Variants in SDHAF4 observed in about 807,000 individuals in gnomAD.
The protein encoded by SDHAF4 is succinate dehydrogenase assembly factor 4, mitochondrial.
Under a neutral mutation model 14.3 loss-of-function variants are expected in SDHAF4, and 14 were observed. The observed-to-expected ratio is 0.98, with a 90% CI of 0.65 to 1.53. The LOEUF is 1.53. Ranked by LOEUF, SDHAF4 falls within the 40% of genes most tolerant of loss-of-function variation. The pLI is 0.00. For missense variants in SDHAF4, 141 were observed against 129.3 expected (o/e 1.09, Z -0.44); for synonymous variants, 63 against 47.3 (o/e 1.33, Z -1.36).
At chr6:70,597,787 C>G in the SDHAF4 span, among the ~76,000 whole-genome samples, 5 of 152,064 alleles carry the variant, frequency 3.3e-5, no homozygotes, top group Non-Finnish European at 5.9e-5. Flanking sequence ...ATATAAGCCT[C>G]CATGGACATT....
chr6:70,584,940 CT>C (rs1472101285), intron 2 of SDHAF4, among the ~76,000 whole-genome samples: 6 of 152,080 alleles, frequency 3.9e-5, no homozygotes, highest in Non-Finnish European at 8.8e-5. Flanking sequence ...ACAGAAGAAT[CT>C]TGGAGTTTAT....
At chr6:70,591,334 ATTT>A (rs76350573), downstream of SDHAF4, among the ~76,000 whole-genome samples, 2 of 101,226 alleles carry the variant, frequency 2.0e-5, no homozygotes, top group Non-Finnish European at 4.0e-5. Flanking sequence ...GAGAGGAAAG[ATTT>A]TTTTTTTTTT....
chr6:70,589,390 T>C lies in SDHAF4; in HGVS notation c.*666T>C, dbSNP rs1437074440. ...CATGTTAGCCAGGCTGGTCTCGAAC[T>C]CCTGACCTCAGTTGATCCACCTGCC... On this transcript the variant is annotated 3_prime_UTR_variant, in exon 3 of 3. Transcript: ENST00000370474. 1 of 152,158 alleles carries C rather than the reference T, an allele frequency of 6.6e-6. No homozygotes were observed. Among genetic ancestry groups the C allele is most frequent in the East Asian group, 1.9e-4 (1 of 5,166 alleles). 9.4% of individuals were successfully genotyped at this position (152,158 alleles called of 1,614,324 possible).
intron 1 of SDHAF4, among the ~76,000 whole-genome samples, chr6:70,575,355 G>T (rs574437022): frequency 6.6e-6 from 1 of 151,782 alleles, no homozygotes; most frequent in African/African-American, 2.4e-5. Context: ...TCCAGCCTGG[G>T]GGACAGAGTG....
At position 70,579,350 on chromosome 6, in the gene SDHAF4, T is replaced by G; in HGVS notation, c.65-64T>G. On this transcript the variant is annotated intron_variant, in intron 1 of 2. Coordinates refer to ENST00000370474, the MANE Select transcript of SDHAF4 (RefSeq NM_145267.3). ...AAACTAAAAACAAATAAATAAAATTTTATAAATGTTTAAAGTGGAATAAAT... is the reference window on the plus strand; with the variant it reads ...AAACTAAAAACAAATAAATAAAATTGTATAAATGTTTAAAGTGGAATAAAT... 3 of 1,228,182 alleles carry G rather than the reference T, an allele frequency of 2.4e-6. No homozygotes were observed. The Admixed American group carries it at 8.9e-5, about 37-fold the overall frequency. 76.1% of individuals were successfully genotyped at this position (1,228,182 alleles called of 1,614,324 possible). A position where few individuals can be genotyped will look rare whatever the true frequency, so the allele number is the denominator to read the frequency against.
chr6:70,567,887 G>A (rs1432306289), intron 1 of SDHAF4, among the ~76,000 whole-genome samples: 2 of 152,046 alleles, frequency 1.3e-5, no homozygotes, highest in East Asian at 1.9e-4. Context: ...GGGTTTCACC[G>A]TGTTAGCCAG....
At chr6:70,592,903 A>G (rs1765270527), downstream of SDHAF4, among the ~76,000 whole-genome samples, 1 of 152,244 alleles carries the variant, frequency 6.6e-6, no homozygotes, top group African/African-American at 2.4e-5. Context: ...CATCAGGACA[A>G]TGGGAGAAAG....
At chr6:70,571,703 T>G (rs1802180658) in intron 1 of SDHAF4, among the ~76,000 whole-genome samples, 1 of 152,230 alleles carries the variant, frequency 6.6e-6, no homozygotes, top group Non-Finnish European at 1.5e-5. Flanking sequence ...AGATTTTGTT[T>G]AAGATTGGAA....
Position 70,571,193 on chromosome 6 carries a change from C to T in SDHAF4, c.64+4189C>T, listed in dbSNP as rs1221585563. ...TTCTTTGTCTTACTGAGGTGTTCTTCGTCTTACTGAGGTGTTTATCATTTT... is the reference window on the plus strand; with the variant it reads ...TTCTTTGTCTTACTGAGGTGTTCTTTGTCTTACTGAGGTGTTTATCATTTT... On this transcript the variant is annotated intron_variant, in intron 1 of 2. Coordinates refer to ENST00000370474, the MANE Select transcript of SDHAF4 (RefSeq NM_145267.3). 3.9e-5 allele frequency among the ~76,000 whole-genome samples: 6 copies of T among 152,002 alleles called. No homozygotes were observed. In the East Asian group the frequency reaches 5.8e-4, roughly 15 times the overall value.
intron 1 of SDHAF4, among the ~76,000 whole-genome samples, chr6:70,569,536 G>A (rs530143636): frequency 3.9e-5 from 6 of 152,270 alleles, no homozygotes; most frequent in South Asian, 2.1e-4. Context: ...GAGCTGCCAC[G>A]CCCGGCCTTT....
intron 1 of SDHAF4, among the ~76,000 whole-genome samples, chr6:70,571,614 T>G (rs1244865640): frequency 3.3e-5 from 5 of 152,152 alleles, no homozygotes. Flanking sequence ...CGCCCAGCCT[T>G]CCCTGGTTTT....
rs140913549 is a variant in SDHAF4 at position 70,584,963 on chromosome 6, A to C, written c.218-3652A>C. ...ATCTTGGAGTTTATTATAAGACTAG[A>C]GAAAAGCACTGGATAAGTAAATGGT... On this transcript the variant is annotated intron_variant, in intron 2 of 2. Transcript: ENST00000370474. Among the ~76,000 whole-genome samples the C allele has an allele frequency of 2.6e-5, 4 of 152,320 alleles. No individual in the cohort carries two copies. The East Asian group carries it at 7.7e-4, about 29-fold the overall frequency.
At chr6:70,588,114 G>GTACTC (rs777685233) in intron 2 of SDHAF4, among the ~76,000 whole-genome samples, 1 of 152,188 alleles carries the variant, frequency 6.6e-6, no homozygotes, top group African/African-American at 2.4e-5. Context: ...TTATGAATTT[G>GTACTC]TACTCTGTAT....
the SDHAF4 span, among the ~76,000 whole-genome samples, chr6:70,597,759 G>A: frequency 0.41 from 62,058 of 151,920 alleles, 13,341 homozygotes; most frequent in African/African-American, 0.52. Flanking sequence ...ATAATCAAAT[G>A]TGTTCTGACT....
intron 2 of SDHAF4, among the ~76,000 whole-genome samples, chr6:70,581,546 G>A (rs1269365376): frequency 2.0e-5 from 3 of 152,132 alleles, no homozygotes; most frequent in Non-Finnish European, 4.4e-5. Context: ...CTCCTGCCTT[G>A]ATTTCCATTA....
chr6:70,586,216 A>G (rs1765199513), intron 2 of SDHAF4, among the ~76,000 whole-genome samples: 1 of 152,132 alleles, frequency 6.6e-6, no homozygotes, highest in Non-Finnish European at 1.5e-5. Context: ...TAGGGATTGA[A>G]TGTAAGAGAG....
At chr6:70,592,140 G>T (rs1765263133), downstream of SDHAF4, among the ~76,000 whole-genome samples, 1 of 152,192 alleles carries the variant, frequency 6.6e-6, no homozygotes, top group African/African-American at 2.4e-5. Context: ...AAAACCATAA[G>T]AAATAAACGT....
At chr6:70,592,346 A>G (rs1765266864), downstream of SDHAF4, among the ~76,000 whole-genome samples, 1 of 152,218 alleles carries the variant, frequency 6.6e-6, no homozygotes. Flanking sequence ...TAGGGATTAG[A>G]AGACAAGAAG....
chr6:70,596,247 C>T, the SDHAF4 span, among the ~76,000 whole-genome samples: 1 of 152,192 alleles, frequency 6.6e-6, no homozygotes, highest in African/African-American at 2.4e-5. Flanking sequence ...TGGGATCTAC[C>T]ACTGTATTCC....
Sources: allele counts gnomAD v4.1 joint callset (sites outside exome capture counted in the v4.1 genomes callset), GRCh38; gene constraint gnomAD v4.1.1; transcripts MANE v1.5; gene names NCBI Gene and HGNC (gene_info 2026-07-23, HGNC 2026-07-21).